The following LHFPL6 variants were observed in gnomAD, a reference collection of about 807,000 sequenced individuals.
LHFPL6 encodes LHFPL tetraspan subfamily member 6.
Under a neutral mutation model 20.6 loss-of-function variants are expected in LHFPL6, and 9 were observed. The observed-to-expected ratio is 0.44, with a 90% confidence interval of 0.26 to 0.76. The LOEUF (loss-of-function observed/expected upper bound fraction) is 0.76, where lower values mean the gene tolerates loss of function less well. LHFPL6 is among the 30% of genes least tolerant of loss of function. The pLI is 0.20. For missense variants in LHFPL6, 218 were observed against 253.5 expected, an observed-to-expected ratio of 0.86 and a Z score of 0.95; for synonymous variants, 105 against 98.7, an observed-to-expected ratio of 1.06 and a Z score of -0.38.
intron 2 of LHFPL6, among the ~76,000 whole-genome samples, chr13:39,595,600 C>A (rs532539822): frequency 3.1e-4 from 47 of 152,264 alleles, no homozygotes; most frequent in African/African-American, 9.6e-4. Context: ...GCATGCATCT[C>A]CCTTTCATTC....
chr13:39,358,570 T>C (rs1465609391), intron 3 of LHFPL6, among the ~76,000 whole-genome samples: 1 of 144,050 alleles, frequency 6.9e-6, no homozygotes, highest in Non-Finnish European at 1.5e-5. Context: ...AGGTTTTGCA[T>C]AACAAGAGAA....
intron 2 of LHFPL6, among the ~76,000 whole-genome samples, chr13:39,473,140 T>C (rs933061935): frequency 1.3e-5 from 2 of 151,770 alleles, no homozygotes; most frequent in African/African-American, 4.8e-5. Flanking sequence ...AGGGTGGAGA[T>C]GCAGAGTGGG....
At chr13:39,443,549 G>T (rs538821200) in intron 2 of LHFPL6, among the ~76,000 whole-genome samples, 2 of 152,194 alleles carry the variant, frequency 1.3e-5, no homozygotes, top group East Asian at 3.9e-4. Context: ...GAATGGAGTG[G>T]TAAGGGCAAT....
intron 2 of LHFPL6, among the ~76,000 whole-genome samples, chr13:39,583,145 A>G (rs1593373621): frequency 6.6e-6 from 1 of 151,592 alleles, no homozygotes; most frequent in Non-Finnish European, 1.5e-5. Flanking sequence ...TATTTTATGA[A>G]GAAAATGTAC....
intron 3 of LHFPL6, among the ~76,000 whole-genome samples, chr13:39,368,455 G>A (rs370011096): frequency 6.6e-6 from 1 of 152,076 alleles, no homozygotes; most frequent in Non-Finnish European, 1.5e-5. Flanking sequence ...GGTGGTGCAC[G>A]CCTGTAGTCC....
intron 2 of LHFPL6, among the ~76,000 whole-genome samples, chr13:39,571,890 AG>A (rs1871928323): frequency 1.3e-5 from 2 of 152,234 alleles, no homozygotes; most frequent in Non-Finnish European, 2.9e-5. Flanking sequence ...GTCAGCACCC[AG>A]AGTGGCTGGC....
chr13:39,523,078 G>T (rs989664783), intron 2 of LHFPL6, among the ~76,000 whole-genome samples: 3 of 152,188 alleles, frequency 2.0e-5, no homozygotes, highest in Non-Finnish European at 4.4e-5. Context: ...CTAATTGTAT[G>T]ACCTTAGACA....
chr13:39,384,426 C>A (rs1426296389), intron 2 of LHFPL6, among the ~76,000 whole-genome samples: 3 of 152,084 alleles, frequency 2.0e-5, no homozygotes, highest in African/African-American at 7.2e-5. Context: ...TACTGAAGTA[C>A]TATTTTGTAA....
chr13:39,562,681 C>T (rs111732381), intron 2 of LHFPL6, among the ~76,000 whole-genome samples: 5 of 120,278 alleles, frequency 4.2e-5, no homozygotes, highest in Admixed American at 1.6e-4. Context: ...CACATATATA[C>T]ACACACACAC....
intron 2 of LHFPL6, among the ~76,000 whole-genome samples, chr13:39,393,543 A>C (rs932907287): frequency 1.1e-4 from 17 of 152,170 alleles, no homozygotes; most frequent in African/African-American, 4.1e-4. Flanking sequence ...GAGGCACAAA[A>C]TGAAAACAAG....
In LHFPL6 at chr13:39,454,978, T is replaced by C. The variant is rs371644665; in HGVS notation, c.386-76452A>G. ...CTTTTTTACTTTTATTATTTCCACT[T>C]TGGAGATTCTGTCAATAAAAGTCAA... On this transcript the variant is annotated intron_variant, in intron 2 of 3. Coordinates refer to ENST00000379589, the MANE Select transcript of LHFPL6 (RefSeq NM_005780.3). Among the ~76,000 whole-genome samples the C allele has an allele frequency of 1.3e-4, 20 of 152,290 alleles. No individual in the cohort carries two copies. The East Asian group carries it at 1.7e-3, about 13-fold the overall frequency.
intron 2 of LHFPL6, among the ~76,000 whole-genome samples, chr13:39,464,408 A>C (rs887250139): frequency 5.9e-5 from 9 of 152,224 alleles, no homozygotes; most frequent in Admixed American, 3.3e-4. Context: ...TAAACAGAGA[A>C]GGAAATCAAA....
intron 2 of LHFPL6, among the ~76,000 whole-genome samples, chr13:39,510,063 G>T (rs759414096): frequency 6.6e-6 from 1 of 152,370 alleles, no homozygotes; most frequent in South Asian, 2.1e-4. Context: ...AGAGAATCCT[G>T]CAGGAAGACT....
intron 2 of LHFPL6, among the ~76,000 whole-genome samples, chr13:39,568,978 C>T (rs748453435): frequency 8.5e-5 from 13 of 152,224 alleles, no homozygotes; most frequent in Admixed American, 1.3e-4. Context: ...GTGCTTAAAA[C>T]CATTTCCCAT....
chr13:39,546,367 A>G (rs985060186), intron 2 of LHFPL6, among the ~76,000 whole-genome samples: 6 of 152,170 alleles, frequency 3.9e-5, no homozygotes, highest in African/African-American at 1.4e-4. Flanking sequence ...TTGGAACTCA[A>G]TTAGTTTTAG....
chr13:39,451,926 A>G (rs1340340894), intron 2 of LHFPL6, among the ~76,000 whole-genome samples: 3 of 151,176 alleles, frequency 2.0e-5, no homozygotes, highest in African/African-American at 7.3e-5. Flanking sequence ...TACAGGAAAT[A>G]TGTGTGTGTG....
At chr13:39,372,021 C>G (rs958653300) in intron 3 of LHFPL6, among the ~76,000 whole-genome samples, 4 of 152,228 alleles carry the variant, frequency 2.6e-5, no homozygotes, top group African/African-American at 9.6e-5. Flanking sequence ...TGGTTACAGC[C>G]AGTCTACAGA....
intron 2 of LHFPL6, among the ~76,000 whole-genome samples, chr13:39,582,477 A>T (rs1593373369): frequency 6.6e-6 from 1 of 152,316 alleles, no homozygotes; most frequent in Non-Finnish European, 1.5e-5. Flanking sequence ...AGAGGATGGA[A>T]ATGTAATGAT....
chr13:39,431,880 T>C (rs1211000293), intron 2 of LHFPL6, among the ~76,000 whole-genome samples: 4 of 152,152 alleles, frequency 2.6e-5, no homozygotes, highest in Non-Finnish European at 4.4e-5. Context: ...CATTTTTTTT[T>C]CCTTGTGTCT....
Sources: gnomAD v4.1 joint callset for allele counts (sites outside exome capture counted in the v4.1 genomes callset) on GRCh38, gnomAD v4.1.1 for gene constraint, MANE v1.5 for transcripts, NCBI Gene and HGNC (gene_info 2026-07-23, HGNC 2026-07-21) for gene names.